Variants in TTC3 observed in about 807,000 individuals in gnomAD.
The protein encoded by TTC3 is tetratricopeptide repeat domain 3.
Under a neutral mutation model 249.6 loss-of-function variants are expected in TTC3, and 180 were observed. The ratio of observed to expected loss-of-function variants is 0.72; its 90% CI spans 0.64 to 0.82. The LOEUF (loss-of-function observed/expected upper bound fraction) is 0.82, where lower values mean the gene tolerates loss of function less well. TTC3 is among the 40% of genes least tolerant of loss of function. The probability of loss-of-function intolerance (pLI) is 0.00; values close to 1 mark genes in which losing one functional copy is unlikely to be tolerated. For missense variants in TTC3, 2,061 were observed against 2,398.4 expected, an observed-to-expected ratio of 0.86 and a Z score of 2.94; for synonymous variants, 717 against 805.0, an observed-to-expected ratio of 0.89 and a Z score of 1.85.
chr21:37,195,910 G>T (rs925994691), exon 42 of TTC3: 25 of 1,614,122 alleles, frequency 1.5e-5, no homozygotes, highest in Admixed American at 1.0e-4. Context: ...CTGTCAGAAC[G>T]AAGCCCTGTG....
At chr21:37,124,689 G>A in exon 14 of TTC3, 1 of 1,613,446 alleles carries the variant, frequency 6.2e-7, no homozygotes, top group South Asian at 1.1e-5. Flanking sequence ...GAAGGAAAGA[G>A]ATTTCAGAAA....
chr21:37,128,283 C>G (rs2077191917), intron 15 of TTC3, among the ~76,000 whole-genome samples: 1 of 152,192 alleles, frequency 6.6e-6, no homozygotes, highest in Admixed American at 6.5e-5. Context: ...GCATGGCTCT[C>G]CCTGCCCAAA....
At chr21:37,167,757 A>G (rs1286721484) in intron 34 of TTC3, 137 bp downstream of exon 34, 2 of 494,400 alleles carry the variant, frequency 4.0e-6, no homozygotes, top group East Asian at 8.2e-5. Context: ...GAACATAACA[A>G]AAAAATGATT....
At position 37,107,076 on chromosome 21, in the gene TTC3, G is replaced by GT. The variant is rs71198849; in HGVS notation, c.846-1301dup. Among the ~76,000 whole-genome samples the GT allele has an allele frequency of 3.1e-3, 418 of 135,402 alleles. 1 individual carries two copies. Among genetic ancestry groups the GT allele is most frequent in the African/African-American group, 8.3e-3 (307 of 36,774 alleles). The allele number at this position is 135,402 out of a possible 152,430, so 88.8% of individuals were successfully genotyped here. On this transcript the variant is annotated intron_variant, in intron 10 of 45. Coordinates refer to ENST00000355666, the Ensembl canonical transcript of TTC3. ...CAGGTTGTCTATCCTTATCTAGTTG[G>GT]TTTTTTTTTTTTTTTGTACGTAACC...
chr21:37,092,521 T>C (rs2073406240), intron 7 of TTC3, among the ~76,000 whole-genome samples: 1 of 152,250 alleles, frequency 6.6e-6, no homozygotes, highest in African/African-American at 2.4e-5. Context: ...AAGGTGGCTG[T>C]TACTATCTTT....
At chr21:37,083,291 A>C (rs1568852172) in intron 1 of TTC3, 2 of 985,348 alleles carry the variant, frequency 2.0e-6, no homozygotes, top group Non-Finnish European at 2.4e-6. Flanking sequence ...AGCAGGAGCA[A>C]GATCACAAAA....
intron 1 of TTC3, chr21:37,086,580 G>A (rs887186056): frequency 1.3e-5 from 2 of 152,258 alleles, no homozygotes; most frequent in Non-Finnish European, 2.9e-5. Context: ...ATTGTGTATT[G>A]CAGTAGTTGT....
intron 18 of TTC3, among the ~76,000 whole-genome samples, chr21:37,136,097 A>T (rs527567897): frequency 6.6e-6 from 1 of 152,190 alleles, no homozygotes; most frequent in Admixed American, 6.5e-5. Context: ...GAACTTAATA[A>T]ATTGTGTGTG....
chr21:37,161,611 A>G (rs1407812788), intron 30 of TTC3, among the ~76,000 whole-genome samples: 1 of 152,220 alleles, frequency 6.6e-6, no homozygotes, highest in Admixed American at 6.5e-5. Context: ...TCTTGTGTGT[A>G]TGTGGGGAGC....
intron 35 of TTC3, among the ~76,000 whole-genome samples, chr21:37,177,067 C>G (rs2082344939): frequency 6.6e-6 from 1 of 152,076 alleles, no homozygotes; most frequent in Admixed American, 6.6e-5. Flanking sequence ...GTCAGTTCAC[C>G]TTAGGGCTAG....
chr21:37,123,539 T>G (rs1261654373), intron 13 of TTC3, among the ~76,000 whole-genome samples: 3 of 152,232 alleles, frequency 2.0e-5, no homozygotes, highest in Non-Finnish European at 4.4e-5. Context: ...GCAGCCAGGG[T>G]TCTACCTTTA....
chr21:37,192,891 A>G (rs1276500221), intron 41 of TTC3, among the ~76,000 whole-genome samples: 4 of 152,228 alleles, frequency 2.6e-5, no homozygotes, highest in African/African-American at 4.8e-5. Flanking sequence ...GGCTAAACCC[A>G]TATTTCTTAG....
At chr21:37,104,267 C>G (rs1293050772) in intron 10 of TTC3, among the ~76,000 whole-genome samples, 2 of 152,266 alleles carry the variant, frequency 1.3e-5, no homozygotes, top group East Asian at 3.9e-4. Context: ...GGAGGTAGAA[C>G]TGGACTTCAC....
exon 36 of TTC3, chr21:37,182,778 C>T: frequency 6.3e-7 from 1 of 1,580,774 alleles, no homozygotes; most frequent in Non-Finnish European, 8.6e-7. Context: ...TTTTAGATCT[C>T]AAAGACGGAA....
intron 18 of TTC3, among the ~76,000 whole-genome samples, chr21:37,137,461 T>TG (rs2078058176): frequency 6.6e-6 from 1 of 152,130 alleles, no homozygotes; most frequent in Non-Finnish European, 1.5e-5. Context: ...GTGGAGGAAG[T>TG]CACTGCAGAT....
At chr21:37,112,952 C>T (rs895170933) in intron 11 of TTC3, among the ~76,000 whole-genome samples, 2 of 152,220 alleles carry the variant, frequency 1.3e-5, no homozygotes, top group Non-Finnish European at 2.9e-5. Context: ...ACATGATTAT[C>T]TCAATAGATG....
chr21:37,153,537 A>G (rs1339466780), intron 27 of TTC3, among the ~76,000 whole-genome samples: 1 of 152,190 alleles, frequency 6.6e-6, no homozygotes, highest in Non-Finnish European at 1.5e-5. Flanking sequence ...AGAACTAAAT[A>G]TATGAAGGCC....
intron 18 of TTC3, among the ~76,000 whole-genome samples, chr21:37,137,137 T>G (rs186153315): frequency 6.6e-6 from 1 of 152,228 alleles, no homozygotes; most frequent in African/African-American, 2.4e-5. Context: ...GTGGTGTACA[T>G]GTACAAGGAG....
At position 37,163,351 on chromosome 21, in the gene TTC3, TA is replaced by T. The variant is rs571769057; in HGVS notation, c.3171-692del. On this transcript the variant is annotated intron_variant, in intron 31 of 45. Coordinates refer to ENST00000355666, the Ensembl canonical transcript of TTC3. ...TTTTAGAGTGCTAACATCTTACATTTAAAAAAAACTTTTGTTTAGATGGAGT... is the reference window on the plus strand; with the variant it reads ...TTTTAGAGTGCTAACATCTTACATTTAAAAAAACTTTTGTTTAGATGGAGT... 3.1e-3 allele frequency among the ~76,000 whole-genome samples: 469 copies of T among 152,188 alleles called. 1 individual carries two copies. Among genetic ancestry groups the T allele is most frequent in the Middle Eastern group, 0.027 (8 of 294 alleles).
Sources: allele counts gnomAD v4.1 joint callset (sites outside exome capture counted in the v4.1 genomes callset), GRCh38; gene constraint gnomAD v4.1.1; transcripts MANE v1.5; gene names NCBI Gene and HGNC (gene_info 2026-07-23, HGNC 2026-07-21).